The following MYH15 variants were observed in gnomAD, a reference collection of about 807,000 sequenced individuals.
MYH15 encodes myosin heavy chain 15.
Under a neutral mutation model 240.5 loss-of-function variants are expected in MYH15, and 227 were observed. The observed-to-expected ratio is 0.94, with a 90% CI of 0.85 to 1.05. The LOEUF (loss-of-function observed/expected upper bound fraction) is 1.05, where lower values mean the gene tolerates loss of function less well. MYH15 is among the 50% of genes least tolerant of loss of function. The pLI, the probability that MYH15 is intolerant of heterozygous loss-of-function variation, is 0.00. For synonymous variants in MYH15, 785 were observed against 796.7 expected (o/e 0.99, Z 0.25); for missense variants, 2,217 against 2,247.5 (o/e 0.99, Z 0.27).
chr3:108,462,607 C>T (rs1048859838), intron 16 of MYH15, among the ~76,000 whole-genome samples: 1 of 151,914 alleles, frequency 6.6e-6, no homozygotes, highest in African/African-American at 2.4e-5. Context: ...AACTACTAAA[C>T]AAGATTAGTT....
intron 30 of MYH15, among the ~76,000 whole-genome samples, chr3:108,413,877 A>G (rs906848632): frequency 2.0e-5 from 3 of 152,302 alleles, no homozygotes; most frequent in Admixed American, 1.3e-4. Context: ...GGACTCAATT[A>G]TTATGGCGTT....
At chr3:108,511,752 C>G (rs1030340878), upstream of MYH15, among the ~76,000 whole-genome samples, 1 of 152,104 alleles carries the variant, frequency 6.6e-6, no homozygotes, top group African/African-American at 2.4e-5. Flanking sequence ...AGATCAGCAC[C>G]CACTTCAGAA....
At chr3:108,481,229 G>A (rs2083264244) in intron 11 of MYH15, among the ~76,000 whole-genome samples, 1 of 152,186 alleles carries the variant, frequency 6.6e-6, no homozygotes, top group Non-Finnish European at 1.5e-5. Context: ...AAAGTTATAT[G>A]TGCATATTCA....
intron 25 of MYH15, among the ~76,000 whole-genome samples, chr3:108,435,157 T>C (rs1368305258): frequency 1.3e-5 from 2 of 152,222 alleles, no homozygotes; most frequent in African/African-American, 4.8e-5. Flanking sequence ...TCCATTTTAT[T>C]TGTGTTGGCG....
At position 108,394,038 on chromosome 3, in the gene MYH15, G is replaced by T; in HGVS notation, c.5252C>A (p.Ala1751Asp). 1 of 1,613,848 alleles carries T rather than the reference G, an allele frequency of 6.2e-7. No homozygotes were observed. The highest frequency in any genetic ancestry group is 1.1e-5 in the South Asian group (1 of 91,064). The change falls in exon 36 of 41, where the codon GCC becomes GAC. Residue 1751 changes from alanine to aspartate, a missense_variant. Ala to Asp is a moderately radical substitution (Grantham distance 126, BLOSUM62 -2). Transcript: ENST00000693548. The stretch of plus-strand genomic sequence containing the variant: ...CGTGGTCAAGGGACCCACCTCAATG[G>T]CTGCCTTCTTGGCCTTCTCTTCTGC... Reference protein sequence around the residue: ...QNAEEKAKKAAIEAANLSEEL... With the variant: ...QNAEEKAKKADIEAANLSEEL...
intron 1 of MYH15, among the ~76,000 whole-genome samples, chr3:108,515,684 T>C (rs866473892): frequency 5.9e-5 from 9 of 152,348 alleles, no homozygotes; most frequent in Middle Eastern, 3.4e-3. Context: ...GTCTGGTGCA[T>C]AGTAAAACCT....
chr3:108,397,179 G>T (rs913706148), intron 35 of MYH15, among the ~76,000 whole-genome samples: 13 of 152,294 alleles, frequency 8.5e-5, no homozygotes, highest in African/African-American at 2.9e-4. Context: ...CTCTCCATGA[G>T]CTGCAAGATA....
At chr3:108,541,963 A>C in the MYH15 span, among the ~76,000 whole-genome samples, 2 of 152,136 alleles carry the variant, frequency 1.3e-5, no homozygotes, top group Admixed American at 6.6e-5. Context: ...GTATTGCATT[A>C]TCTCTTTAAG....
At chr3:108,442,938 A>G (rs1275168816) in intron 22 of MYH15, among the ~76,000 whole-genome samples, 2 of 151,896 alleles carry the variant, frequency 1.3e-5, no homozygotes, top group African/African-American at 4.8e-5. Flanking sequence ...GTTTGCTTCC[A>G]TGTGTTTCCC....
At chr3:108,501,632 G>GT in intron 3 of MYH15, 80 bp downstream of exon 3, 1 of 1,565,780 alleles carries the variant, frequency 6.4e-7, no homozygotes, top group Non-Finnish European at 8.8e-7. Context: ...TAAACTCAAT[G>GT]TAAGAGATCA....
chr3:108,477,642 A>G (rs2083231599), intron 11 of MYH15, among the ~76,000 whole-genome samples: 1 of 152,188 alleles, frequency 6.6e-6, no homozygotes, highest in East Asian at 1.9e-4. Context: ...TAATCTGATA[A>G]TTATAGACAA....
At chr3:108,488,774 G>A (rs2107597597) in intron 9 of MYH15, among the ~76,000 whole-genome samples, 1 of 152,312 alleles carries the variant, frequency 6.6e-6, no homozygotes. Context: ...TCAGGATACT[G>A]AGTTCATTTC....
chr3:108,456,977 A>G (rs2083027460), intron 18 of MYH15, 94 bp from the exon 19 acceptor site: 1 of 890,518 alleles, frequency 1.1e-6, no homozygotes. Context: ...GTTAAAAAGA[A>G]AGTCTGAATT....
intron 28 of MYH15, among the ~76,000 whole-genome samples, chr3:108,419,412 C>T (rs981727925): frequency 6.6e-6 from 1 of 152,142 alleles, no homozygotes; most frequent in Non-Finnish European, 1.5e-5. Context: ...ATTTTACTCG[C>T]TACCCACTAA....
intron 11 of MYH15, among the ~76,000 whole-genome samples, chr3:108,480,513 A>G (rs1055653255): frequency 1.3e-5 from 2 of 152,222 alleles, no homozygotes; most frequent in Admixed American, 1.3e-4. Flanking sequence ...AATTAGAGTC[A>G]TGCTTTAGGA....
chr3:108,472,805 T>C (rs1319094185), intron 12 of MYH15, among the ~76,000 whole-genome samples: 1 of 152,168 alleles, frequency 6.6e-6, no homozygotes, highest in African/African-American at 2.4e-5. Flanking sequence ...AATATGTTGC[T>C]CACTAATTAA....
In MYH15 at chr3:108,459,361, C is replaced by G; in HGVS notation, c.2020+1G>C. ...GAATTACAAAGAAATCTAGTTCTTA[C>G]CTGGTATTTTGTTCACATTGGGATT... On this transcript the variant is annotated splice_donor_variant, in intron 18 of 40. Transcript: ENST00000693548. LOFTEE classifies it high-confidence loss of function. The G allele has an allele frequency of 2.6e-6, 4 of 1,561,562 alleles. No homozygotes were observed. The highest frequency in any genetic ancestry group is 2.7e-5 in the African/African-American group (2 of 73,366).
At chr3:108,452,587 T>G (rs2082983479) in intron 21 of MYH15, among the ~76,000 whole-genome samples, 1 of 152,144 alleles carries the variant, frequency 6.6e-6, no homozygotes, top group African/African-American at 2.4e-5. Context: ...ATACAAAATA[T>G]TATTTACATG....
At chr3:108,483,682 T>C (rs1175561126) in intron 11 of MYH15, among the ~76,000 whole-genome samples, 1 of 152,172 alleles carries the variant, frequency 6.6e-6, no homozygotes, top group Admixed American at 6.6e-5. Flanking sequence ...AGCCAAAAAG[T>C]GGAAGCAACC....
Sources: allele counts gnomAD v4.1 joint callset (sites outside exome capture counted in the v4.1 genomes callset), GRCh38; gene constraint gnomAD v4.1.1; transcripts MANE v1.5; gene names NCBI Gene and HGNC (gene_info 2026-07-23, HGNC 2026-07-21).